GULP1: variants seen among roughly 807,000 people sequenced by gnomAD.
GULP1 encodes the protein GULP PTB domain containing engulfment adaptor 1.
Under a neutral mutation model 40.9 loss-of-function variants are expected in GULP1, and 19 were observed. The ratio of observed to expected loss-of-function variants is 0.46; its 90% CI spans 0.32 to 0.68. The LOEUF (loss-of-function observed/expected upper bound fraction) is 0.68. GULP1 is among the 30% of genes least tolerant of loss of function. GULP1 has a pLI of 0.03. For synonymous variants in GULP1, 119 were observed against 117.6 expected (o/e 1.01, Z -0.08); for missense variants, 312 against 362.2 (o/e 0.86, Z 1.12).
chr2:188,298,741 A>G (rs543042369), intron 1 of GULP1, among the ~76,000 whole-genome samples: 28 of 152,304 alleles, frequency 1.8e-4, no homozygotes, highest in African/African-American at 6.7e-4. Flanking sequence ...CATTAAGCAG[A>G]CTAGGAAATT....
At chr2:188,463,031 G>C (rs1423926241) in intron 2 of GULP1, among the ~76,000 whole-genome samples, 1 of 151,906 alleles carries the variant, frequency 6.6e-6, no homozygotes, top group Non-Finnish European at 1.5e-5. Context: ...TTTAGTTTTT[G>C]TACTTAAGAG....
At chr2:188,531,741 A>G (rs901289106) in intron 6 of GULP1, among the ~76,000 whole-genome samples, 3 of 152,242 alleles carry the variant, frequency 2.0e-5, no homozygotes, top group African/African-American at 4.8e-5. Flanking sequence ...TCATTAGGCA[A>G]TTAGCAGTTA....
intron 2 of GULP1, among the ~76,000 whole-genome samples, chr2:188,410,536 C>A (rs1161386302): frequency 1.3e-5 from 2 of 152,058 alleles, no homozygotes; most frequent in Non-Finnish European, 1.5e-5. Flanking sequence ...AGCAAATGAC[C>A]TGAATAGACA....
intron 2 of GULP1, among the ~76,000 whole-genome samples, chr2:188,414,698 A>G (rs1261691610): frequency 6.6e-6 from 1 of 152,148 alleles, no homozygotes; most frequent in African/African-American, 2.4e-5. Flanking sequence ...AGGGGCTTAC[A>G]ATTTTGCTGT....
At chr2:188,547,114 A>G (rs2153357452) in intron 7 of GULP1, among the ~76,000 whole-genome samples, 1 of 152,118 alleles carries the variant, frequency 6.6e-6, no homozygotes, top group Admixed American at 6.6e-5. Context: ...ATTCTATAAA[A>G]TGTTTAAACA....
intron 5 of GULP1, among the ~76,000 whole-genome samples, chr2:188,527,809 GAGAA>G (rs1425084575): frequency 6.6e-6 from 1 of 152,146 alleles, no homozygotes; most frequent in African/African-American, 2.4e-5. Flanking sequence ...CATGAAAAGA[GAGAA>G]AGACTTTTAA....
chr2:188,521,400 C>T (rs1223056253), intron 4 of GULP1, among the ~76,000 whole-genome samples: 1 of 152,028 alleles, frequency 6.6e-6, no homozygotes, highest in Non-Finnish European at 1.5e-5. Flanking sequence ...TTAGTCTGTT[C>T]TCATACTGCT....
intron 1 of GULP1, among the ~76,000 whole-genome samples, chr2:188,366,670 T>G (rs2046842583): frequency 6.7e-6 from 1 of 150,000 alleles, no homozygotes; most frequent in South Asian, 2.1e-4. Flanking sequence ...TCGGCTCACT[T>G]GCAAGCTCCG....
chr2:188,447,111 T>G (rs2152898734), intron 2 of GULP1, among the ~76,000 whole-genome samples: 1 of 152,232 alleles, frequency 6.6e-6, no homozygotes, highest in East Asian at 1.9e-4. Flanking sequence ...AATTAAAAAT[T>G]TTCATATTGG....
At chr2:188,582,694 C>T (rs943825329) in intron 9 of GULP1, 13 of 351,298 alleles carry the variant, frequency 3.7e-5, no homozygotes, top group African/African-American at 2.6e-4. Flanking sequence ...TGATCTGGAG[C>T]CTTTGTGTGC....
At chr2:188,524,873 T>G (rs1685760006) in intron 5 of GULP1, among the ~76,000 whole-genome samples, 1 of 151,838 alleles carries the variant, frequency 6.6e-6, no homozygotes, top group Non-Finnish European at 1.5e-5. Context: ...TGAATTTATT[T>G]GCCATGTAAG....
At chr2:188,568,800 T>A (rs1698386555) in intron 7 of GULP1, among the ~76,000 whole-genome samples, 1 of 152,174 alleles carries the variant, frequency 6.6e-6, no homozygotes. Flanking sequence ...GCTTAGGGTT[T>A]AACAAACCCT....
chr2:188,590,294 A>C (rs1289758858), intron 11 of GULP1: 1 of 152,086 alleles, frequency 6.6e-6, no homozygotes, highest in Non-Finnish European at 1.5e-5. Context: ...CTTTTAGTCC[A>C]ATATTTACTT....
At chr2:188,434,460 T>C (rs901206298) in intron 2 of GULP1, among the ~76,000 whole-genome samples, 1 of 151,828 alleles carries the variant, frequency 6.6e-6, no homozygotes, top group African/African-American at 2.4e-5. Context: ...AGTATTTTTT[T>C]AATTTTTAAT....
intron 2 of GULP1, among the ~76,000 whole-genome samples, chr2:188,405,609 G>T (rs116743767): frequency 0.018 from 2,732 of 152,288 alleles, 82 homozygotes; most frequent in African/African-American, 0.061. Flanking sequence ...GTAGGTTCCA[G>T]ACCCAATTCC....
At chr2:188,363,152 T>A (rs918129348) in intron 1 of GULP1, among the ~76,000 whole-genome samples, 2 of 152,070 alleles carry the variant, frequency 1.3e-5, no homozygotes, top group African/African-American at 4.8e-5. Flanking sequence ...AAAACACTTG[T>A]ATTTTTCAAG....
chr2:188,348,165 AATTG>A (rs2043952960), intron 1 of GULP1, among the ~76,000 whole-genome samples: 1 of 152,214 alleles, frequency 6.6e-6, no homozygotes, highest in Non-Finnish European at 1.5e-5. Flanking sequence ...AATGAGACTT[AATTG>A]ATATAATAGG....
At chr2:188,445,662 T>C (rs2058323773) in intron 2 of GULP1, among the ~76,000 whole-genome samples, 1 of 152,108 alleles carries the variant, frequency 6.6e-6, no homozygotes, top group Non-Finnish European at 1.5e-5. Context: ...AAATTATGAG[T>C]AGTGTCCACA....
intron 2 of GULP1, among the ~76,000 whole-genome samples, chr2:188,425,600 C>T (rs1483081856): frequency 6.6e-6 from 1 of 152,134 alleles, no homozygotes; most frequent in African/African-American, 2.4e-5. Context: ...GTTTATCTTA[C>T]ATTTATATCT....
Sources: allele counts gnomAD v4.1 joint callset (sites outside exome capture counted in the v4.1 genomes callset), GRCh38; gene constraint gnomAD v4.1.1; transcripts MANE v1.5; gene names NCBI Gene and HGNC (gene_info 2026-07-23, HGNC 2026-07-21).